The following PRKCE variants were observed in gnomAD, a reference collection of about 807,000 sequenced individuals.
The protein encoded by PRKCE is protein kinase C epsilon type.
A neutral mutation model predicts 85.4 loss-of-function variants in PRKCE; 16 were observed. The observed-to-expected ratio is 0.19, with a 90% confidence interval of 0.13 to 0.28. PRKCE has a LOEUF of 0.28. PRKCE is among the 10% of genes least tolerant of loss of function. PRKCE has a pLI of 1.00. For missense variants in PRKCE, 573 were observed against 975.2 expected (o/e 0.59, Z 5.49); for synonymous variants, 388 against 371.5 (o/e 1.04, Z -0.51).
At chr2:46,075,092 G>A (rs1001423062) in intron 10 of PRKCE, among the ~76,000 whole-genome samples, 7 of 152,282 alleles carry the variant, frequency 4.6e-5, no homozygotes, top group Non-Finnish European at 1.0e-4. Flanking sequence ...CCAGGCTGGA[G>A]TGCAGTGGCG....
At chr2:45,927,774 A>T (rs13007835) in intron 2 of PRKCE, among the ~76,000 whole-genome samples, 38,893 of 152,252 alleles carry the variant, frequency 0.26, 5,992 homozygotes, top group South Asian at 0.37. Context: ...AATTGCTAGC[A>T]GCTGATGTGT....
intron 12 of PRKCE, among the ~76,000 whole-genome samples, chr2:46,146,557 T>C (rs1558501873): frequency 6.6e-6 from 1 of 152,156 alleles, no homozygotes; most frequent in Non-Finnish European, 1.5e-5. Flanking sequence ...AATTGAGTTG[T>C]AAAGAATGAG....
chr2:46,007,431 T>C (rs1334317615), intron 8 of PRKCE, 31 bp from the exon 9 acceptor site: 1 of 1,596,590 alleles, frequency 6.3e-7, no homozygotes, highest in South Asian at 1.1e-5. Context: ...AGGTATGCAC[T>C]AATGCAATTT....
intron 10 of PRKCE, among the ~76,000 whole-genome samples, chr2:46,022,809 C>A (rs373625235): frequency 1.3e-5 from 2 of 152,176 alleles, no homozygotes; most frequent in East Asian, 3.8e-4. Flanking sequence ...ATCGGCCGGG[C>A]GCGGTGGCTC....
At chr2:45,717,650 A>G (rs1030978138) in intron 1 of PRKCE, among the ~76,000 whole-genome samples, 1 of 152,192 alleles carries the variant, frequency 6.6e-6, no homozygotes, top group African/African-American at 2.4e-5. Flanking sequence ...TGATGATGAT[A>G]TTTAATTTAG....
At chr2:45,952,433 C>G (rs1425020279) in intron 2 of PRKCE, among the ~76,000 whole-genome samples, 1 of 152,172 alleles carries the variant, frequency 6.6e-6, no homozygotes. Flanking sequence ...AATAAAACAC[C>G]CCTCCTTTTG....
At chr2:45,811,076 T>G (rs1289222297) in intron 1 of PRKCE, among the ~76,000 whole-genome samples, 1 of 152,232 alleles carries the variant, frequency 6.6e-6, no homozygotes, top group Non-Finnish European at 1.5e-5. Flanking sequence ...CGAGATTTAG[T>G]CACATGGTCA....
Position 46,184,434 on chromosome 2 carries a change from A to AACACACACAC in PRKCE, c.2068-282_2068-273dup, listed in dbSNP as rs3834107. On this transcript the variant is annotated intron_variant, in intron 14 of 14. Transcript: ENST00000306156. This position sits in a 1 kb window ranked among gnomAD's most constrained non-coding sequence, Gnocchi z 5.0. ...GGGACCTTTGCATCATACACACACA[A>AACACACACAC]ACACACACACACACACACACACACA... is the stretch of plus-strand genomic sequence containing the variant. 4.7e-3 allele frequency among the ~76,000 whole-genome samples: 698 copies of AACACACACAC among 149,190 alleles called. 2 individuals are homozygous for AACACACACAC. Among genetic ancestry groups the AACACACACAC allele is most frequent in the African/African-American group, 0.015 (618 of 40,490 alleles).
chr2:45,902,897 C>T (rs1696679321), intron 2 of PRKCE, among the ~76,000 whole-genome samples: 1 of 152,192 alleles, frequency 6.6e-6, no homozygotes, highest in African/African-American at 2.4e-5. Context: ...CTGGGAGTTT[C>T]TGGACTGCAA....
chr2:45,981,775 G>A (rs551589485), intron 5 of PRKCE, among the ~76,000 whole-genome samples: 7 of 152,252 alleles, frequency 4.6e-5, no homozygotes, highest in South Asian at 2.1e-4. Context: ...TATGACAGGC[G>A]TTATGCTGTG....
At chr2:45,677,502 G>T (rs900964420) in intron 1 of PRKCE, among the ~76,000 whole-genome samples, 2 of 151,958 alleles carry the variant, frequency 1.3e-5, no homozygotes, top group Admixed American at 6.5e-5. Context: ...GACTACAGGC[G>T]CCCGCCACCG....
chr2:46,051,498 C>T (rs1250663143), intron 10 of PRKCE, among the ~76,000 whole-genome samples: 1 of 152,212 alleles, frequency 6.6e-6, no homozygotes, highest in African/African-American at 2.4e-5. Flanking sequence ...CCTTGCCATT[C>T]TTCTCCCAAG....
intron 2 of PRKCE, among the ~76,000 whole-genome samples, chr2:45,927,138 A>G (rs752471758): frequency 6.7e-6 from 1 of 150,214 alleles, no homozygotes; most frequent in Admixed American, 6.6e-5. Flanking sequence ...ATGTGCATGC[A>G]TGAGTGTGCA....
intron 1 of PRKCE, among the ~76,000 whole-genome samples, chr2:45,723,828 C>T (rs536774823): frequency 6.6e-6 from 1 of 152,304 alleles, no homozygotes; most frequent in South Asian, 2.1e-4. Flanking sequence ...TTGTCTCAAA[C>T]TCCTGACCTC....
At chr2:46,099,584 C>T (rs1370847001) in intron 11 of PRKCE, among the ~76,000 whole-genome samples, 1 of 151,678 alleles carries the variant, frequency 6.6e-6, no homozygotes, top group South Asian at 2.1e-4. Flanking sequence ...TTTCTTCCAG[C>T]GAAGTTAGTT....
At chr2:45,804,197 A>G (rs1688078018) in intron 1 of PRKCE, among the ~76,000 whole-genome samples, 3 of 152,200 alleles carry the variant, frequency 2.0e-5, no homozygotes, top group Admixed American at 6.5e-5. Context: ...AGCAAACCCA[A>G]TGCTGCGTAG....
At chr2:45,798,075 G>A (rs1366291901) in intron 1 of PRKCE, among the ~76,000 whole-genome samples, 2 of 152,174 alleles carry the variant, frequency 1.3e-5, no homozygotes, top group South Asian at 4.1e-4. Flanking sequence ...GGCGTGTCGG[G>A]TAGAGAGGCC....
chr2:45,742,114 C>T (rs1344705449), intron 1 of PRKCE, among the ~76,000 whole-genome samples: 1 of 152,028 alleles, frequency 6.6e-6, no homozygotes, highest in African/African-American at 2.4e-5. Context: ...GGGACTATGT[C>T]AAACTAAAAA....
intron 2 of PRKCE, among the ~76,000 whole-genome samples, chr2:45,882,319 G>T (rs893743095): frequency 6.6e-6 from 1 of 152,188 alleles, no homozygotes; most frequent in Non-Finnish European, 1.5e-5. Context: ...CGTATCTCTT[G>T]TAGCCATGTA....
Sources: gnomAD v4.1 joint callset for allele counts (sites outside exome capture counted in the v4.1 genomes callset) on GRCh38, gnomAD v4.1.1 for gene constraint, Gnocchi (gnomAD v3.1) non-coding constraint, MANE v1.5 for transcripts, NCBI Gene and HGNC (gene_info 2026-07-23, HGNC 2026-07-21) for gene names.